NAALADL2: variants seen among roughly 807,000 people sequenced by gnomAD.
The protein encoded by NAALADL2 is inactive N-acetylated-alpha-linked acidic dipeptidase-like protein 2.
In NAALADL2, 76 loss-of-function variants were observed where a neutral mutation model predicts 87.2. That is an observed-to-expected ratio of 0.87 (90% CI 0.72 to 1.05). The LOEUF (loss-of-function observed/expected upper bound fraction) is 1.05, where lower values mean the gene tolerates loss of function less well. Ranked by LOEUF, NAALADL2 falls within the 50% of genes least tolerant of loss-of-function variation. The pLI, the probability that NAALADL2 is intolerant of heterozygous loss-of-function variation, is 0.00. For synonymous variants in NAALADL2, 354 were observed against 331.0 expected (o/e 1.07, Z -0.75); for missense variants, 1,089 against 945.8 (o/e 1.15, Z -1.99).
At chr3:175,023,268 G>T (rs4569665) in intron 1 of NAALADL2, among the ~76,000 whole-genome samples, 23,867 of 151,848 alleles carry the variant, frequency 0.16, 2,348 homozygotes, top group African/African-American at 0.26. Context: ...ATGTAAGAGA[G>T]TTTTAAAATG....
intron 2 of NAALADL2, among the ~76,000 whole-genome samples, chr3:175,214,917 C>CA (rs1742282549): frequency 6.6e-6 from 1 of 152,016 alleles, no homozygotes; most frequent in Non-Finnish European, 1.5e-5. Context: ...TTACTTGACA[C>CA]ACACAAAAAA....
intron 4 of NAALADL2, among the ~76,000 whole-genome samples, chr3:175,269,002 G>C (rs1337798472): frequency 6.7e-6 from 1 of 149,736 alleles, no homozygotes; most frequent in Non-Finnish European, 1.5e-5. Flanking sequence ...GCAGTGGCAT[G>C]ATCTCAGCTC....
intron 5 of NAALADL2, among the ~76,000 whole-genome samples, chr3:175,418,775 T>A (rs542213603): frequency 3.7e-4 from 56 of 152,100 alleles, no homozygotes; most frequent in Non-Finnish European, 7.4e-4. Flanking sequence ...CAGTAGGCTA[T>A]TTTTCCACTT....
chr3:174,546,736 C>T lies in NAALADL2; in HGVS notation c.-183-3833C>T, dbSNP rs148036594. Among the ~76,000 whole-genome samples the T allele has an allele frequency of 2.1e-3, 323 of 152,276 alleles. 2 individuals carry two copies. The highest frequency in any genetic ancestry group is 7.7e-3 in the African/African-American group (319 of 41,560). On this transcript the variant is annotated intron_variant, in intron 1 of 3. Coordinates refer to the NAALADL2 transcript ENST00000434257. ...GCAGTGGAGCGATCTTGGCTTACTA[C>T]ATCCTCGACCTCCTAGGCTCAAGCA... is the stretch of plus-strand genomic sequence containing the variant.
intron 1 of NAALADL2, among the ~76,000 whole-genome samples, chr3:174,883,941 T>C (rs898046237): frequency 6.6e-6 from 1 of 152,170 alleles, no homozygotes; most frequent in Non-Finnish European, 1.5e-5. Context: ...ACCTCCACTG[T>C]GGAGTAGTAG....
intron 1 of NAALADL2, among the ~76,000 whole-genome samples, chr3:175,009,081 T>C (rs1314408482): frequency 6.6e-6 from 1 of 152,160 alleles, no homozygotes; most frequent in South Asian, 2.1e-4. Flanking sequence ...TTTTAAACTT[T>C]GGCTGTTTCA....
chr3:174,482,331 G>A (rs1364179199), intron 1 of NAALADL2, among the ~76,000 whole-genome samples: 1 of 152,002 alleles, frequency 6.6e-6, no homozygotes, highest in Non-Finnish European at 1.5e-5. Context: ...TTCGGCTTGA[G>A]AAAAAGGTGA....
chr3:175,128,541 C>A (rs1433040202), intron 2 of NAALADL2, among the ~76,000 whole-genome samples: 1 of 152,076 alleles, frequency 6.6e-6, no homozygotes, highest in Non-Finnish European at 1.5e-5. Flanking sequence ...GTATTCTCAT[C>A]ATTGCAGAGA....
intron 5 of NAALADL2, among the ~76,000 whole-genome samples, chr3:175,427,749 A>T (rs1178451334): frequency 6.6e-6 from 1 of 152,016 alleles, no homozygotes; most frequent in Non-Finnish European, 1.5e-5. Flanking sequence ...GCATATTTTT[A>T]AAATTTGCAT....
intron 2 of NAALADL2, among the ~76,000 whole-genome samples, chr3:175,133,127 G>C (rs865791571): frequency 5.4e-5 from 8 of 148,648 alleles, no homozygotes; most frequent in Non-Finnish European, 1.2e-4. Flanking sequence ...GACGATGGGC[G>C]GCCGGGCAGA....
At chr3:175,799,077 C>A (rs1208689274) in intron 13 of NAALADL2, among the ~76,000 whole-genome samples, 1 of 151,874 alleles carries the variant, frequency 6.6e-6, no homozygotes, top group East Asian at 1.9e-4. Context: ...TTTTGTTTGT[C>A]AGCATACTAA....
chr3:175,472,764 T>C (rs757187058), intron 9 of NAALADL2, among the ~76,000 whole-genome samples: 2 of 152,200 alleles, frequency 1.3e-5, no homozygotes, highest in Non-Finnish European at 2.9e-5. Flanking sequence ...TAGATAATTC[T>C]GTACATTTAA....
intron 5 of NAALADL2, among the ~76,000 whole-genome samples, chr3:175,424,406 T>G (rs1281467693): frequency 6.6e-6 from 1 of 152,188 alleles, no homozygotes; most frequent in East Asian, 1.9e-4. Context: ...AACATGTAAG[T>G]CTTTAATCCA....
At chr3:174,445,227 A>G (rs1714965688) in intron 1 of NAALADL2, among the ~76,000 whole-genome samples, 2 of 152,086 alleles carry the variant, frequency 1.3e-5, no homozygotes, top group African/African-American at 4.8e-5. Flanking sequence ...AGAGTACTGA[A>G]TGCTTTTAGG....
intron 2 of NAALADL2, among the ~76,000 whole-genome samples, chr3:174,577,507 T>C (rs945535893): frequency 9.9e-5 from 15 of 152,132 alleles, no homozygotes; most frequent in Admixed American, 9.8e-4. Flanking sequence ...TAATAAGAAA[T>C]GTGTAAATTC....
chr3:175,227,393 C>G (rs1560193332), intron 2 of NAALADL2, among the ~76,000 whole-genome samples: 1 of 152,014 alleles, frequency 6.6e-6, no homozygotes, highest in South Asian at 2.1e-4. Context: ...TTAGGCATGA[C>G]AGTTCATTAT....
chr3:175,432,863 A>C (rs1162768675), intron 5 of NAALADL2, among the ~76,000 whole-genome samples: 1 of 152,076 alleles, frequency 6.6e-6, no homozygotes, highest in Non-Finnish European at 1.5e-5. Flanking sequence ...GTGTTCTGAT[A>C]GCTATTCATC....
chr3:174,719,019 T>A (rs1365470129), intron 2 of NAALADL2, among the ~76,000 whole-genome samples: 1 of 152,184 alleles, frequency 6.6e-6, no homozygotes, highest in Non-Finnish European at 1.5e-5. Context: ...CACCCACACC[T>A]GAGAAATCTC....
At chr3:174,920,591 C>G (rs1213404163) in intron 1 of NAALADL2, among the ~76,000 whole-genome samples, 2 of 152,170 alleles carry the variant, frequency 1.3e-5, no homozygotes, top group Admixed American at 6.5e-5. Context: ...ATTCATACCA[C>G]TAAAACTTTC....
Sources: allele counts gnomAD v4.1 joint callset (sites outside exome capture counted in the v4.1 genomes callset), GRCh38; gene constraint gnomAD v4.1.1; transcripts MANE v1.5; gene names NCBI Gene and HGNC (gene_info 2026-07-23, HGNC 2026-07-21).